The following ARFGEF3 variants were observed in gnomAD, a reference collection of about 807,000 sequenced individuals.
ARFGEF3 encodes the protein brefeldin A-inhibited guanine nucleotide-exchange protein 3.
Under a neutral mutation model 221.7 loss-of-function variants are expected in ARFGEF3, and 96 were observed. The observed-to-expected ratio is 0.43, with a 90% CI of 0.37 to 0.51. ARFGEF3 has a LOEUF of 0.51. ARFGEF3 is among the 20% of genes least tolerant of loss of function. The pLI is 0.00. For synonymous variants in ARFGEF3, 1,145 were observed against 1,126.8 expected, an observed-to-expected ratio of 1.02 and a Z score of -0.32; for missense variants, 2,410 against 2,789.9, an observed-to-expected ratio of 0.86 and a Z score of 3.07.
chr6:138,261,595 A>G lies in ARFGEF3; in HGVS notation c.1173A>G (p.Lys391=). Residue 391 remains lysine, a synonymous_variant, in exon 11 of 34, where the codon AAA becomes AAG. Coordinates refer to ENST00000251691, the MANE Select transcript of ARFGEF3 (RefSeq NM_020340.5). ...GPSSTESESR[K]RSISKRKSHL... Reference sequence around the variant, plus strand: ...GCTCCACTGAATCAGAGTCCAGAAAAAGATCAATTTCAAAAAGAAAGTCTC... The same window carrying G: ...GCTCCACTGAATCAGAGTCCAGAAAGAGATCAATTTCAAAAAGAAAGTCTC... 1 of 1,575,746 alleles carries G rather than the reference A, an allele frequency of 6.3e-7. No homozygotes were observed. Among genetic ancestry groups the G allele is most frequent in the Non-Finnish European group, 8.6e-7 (1 of 1,159,140 alleles).
At chr6:138,194,719 C>T (rs1486723370) in intron 2 of ARFGEF3, among the ~76,000 whole-genome samples, 2 of 152,068 alleles carry the variant, frequency 1.3e-5, no homozygotes, top group Admixed American at 1.3e-4. Context: ...GGAGAGGAAA[C>T]AATTCAGGAA....
At chr6:138,285,382 C>T (rs1015598477) in intron 14 of ARFGEF3, among the ~76,000 whole-genome samples, 2 of 149,052 alleles carry the variant, frequency 1.3e-5, no homozygotes, top group East Asian at 2.0e-4. Context: ...ACCCAGGAGG[C>T]GGAACTTGCA....
chr6:138,308,456 C>G (rs556993469), intron 23 of ARFGEF3, among the ~76,000 whole-genome samples: 1 of 152,336 alleles, frequency 6.6e-6, no homozygotes, highest in East Asian at 1.9e-4. Flanking sequence ...TGTGCAGGAG[C>G]ATTCCAGAGG....
chr6:138,248,594 A>G (rs1167446183), intron 8 of ARFGEF3, among the ~76,000 whole-genome samples: 1 of 152,104 alleles, frequency 6.6e-6, no homozygotes, highest in Admixed American at 6.5e-5. Flanking sequence ...CCAGTTAGTA[A>G]TTAAAACCTA....
chr6:138,226,215 A>G (rs1175490083), intron 4 of ARFGEF3, among the ~76,000 whole-genome samples: 1 of 152,194 alleles, frequency 6.6e-6, no homozygotes, highest in Non-Finnish European at 1.5e-5. Flanking sequence ...TGTGCTCATC[A>G]TCATTATCTG....
In ARFGEF3 at chr6:138,337,217, C is replaced by G. The variant is rs144218327; in HGVS notation, c.*731C>G. 6 of 152,714 alleles carry G rather than the reference C, an allele frequency of 3.9e-5. No homozygotes were observed. In the East Asian group the frequency reaches 1.2e-3, roughly 29 times the overall value. 9.5% of individuals were successfully genotyped at this position (152,714 alleles called of 1,614,324 possible). The stretch of plus-strand genomic sequence containing the variant: ...GCTTATCAGCCTGTGACACAGAGTA[C>G]CCAGTGAAAGTGGCTGGTACGTAGA... On this transcript the variant is annotated 3_prime_UTR_variant, in exon 34 of 34. Transcript: ENST00000251691.
intron 2 of ARFGEF3, 24 bp from the exon 3 acceptor site, chr6:138,207,018 T>C: frequency 6.3e-7 from 1 of 1,588,032 alleles, no homozygotes. Context: ...GCTCACATGT[T>C]GTCCTTATTT....
intron 2 of ARFGEF3, among the ~76,000 whole-genome samples, chr6:138,177,057 C>G (rs1410870517): frequency 6.8e-6 from 1 of 146,174 alleles, no homozygotes; most frequent in Non-Finnish European, 1.5e-5. Flanking sequence ...TTCACTTTTA[C>G]TTTATTTATT....
chr6:138,286,115 A>G (rs186726134), intron 15 of ARFGEF3, 62 bp downstream of exon 15: 8 of 998,222 alleles, frequency 8.0e-6, no homozygotes, highest in Admixed American at 1.8e-5. Flanking sequence ...CAGCAATTAC[A>G]TTGTTATGTG....
intron 32 of ARFGEF3, among the ~76,000 whole-genome samples, chr6:138,328,708 T>C (rs1277408352): frequency 6.9e-6 from 1 of 145,000 alleles, no homozygotes; most frequent in Non-Finnish European, 1.5e-5. Context: ...ACTTATAATC[T>C]TAAAAAAAAA....
intron 2 of ARFGEF3, among the ~76,000 whole-genome samples, chr6:138,187,184 G>C (rs1777206901): frequency 6.6e-6 from 1 of 152,048 alleles, no homozygotes; most frequent in South Asian, 2.1e-4. Flanking sequence ...CAAAATGCTG[G>C]GATTACAGGC....
chr6:138,177,062 TTTA>T (rs908090395), intron 2 of ARFGEF3, among the ~76,000 whole-genome samples: 6 of 113,714 alleles, frequency 5.3e-5, no homozygotes, highest in African/African-American at 2.4e-4. Context: ...TTTTACTTTA[TTTA>T]TTTATTTATT....
At chr6:138,221,727 G>T (rs993218863) in intron 4 of ARFGEF3, among the ~76,000 whole-genome samples, 1 of 152,112 alleles carries the variant, frequency 6.6e-6, no homozygotes, top group Non-Finnish European at 1.5e-5. Flanking sequence ...AGTGCTAAGG[G>T]CATATCTGAT....
chr6:138,317,246 T>C lies in ARFGEF3; in HGVS notation c.4346-5T>C, dbSNP rs114314615. 2.4e-3 allele frequency: 3,816 copies of C among 1,612,500 alleles called. 86 individuals carry two copies. The African/African-American group carries it at 0.046, about 20-fold the overall frequency. ...TTTCATACAGGTCTGCTTTTTGGTT[T>C]CCAGGTCTGATAGAAGTCTGGATAA... On this transcript the variant is annotated splice_region_variant and splice_polypyrimidine_tract_variant and intron_variant, in intron 26 of 33. Transcript: ENST00000251691.
Position 138,336,278 on chromosome 6 carries a change from T to TAAATCTTTTCTCTTAGGCATGGA in ARFGEF3, c.6343-16_6349dup. On this transcript the variant is annotated splice_polypyrimidine_tract_variant and intron_variant, in intron 33 of 33. Transcript: ENST00000251691. Reference sequence around the variant, plus strand: ...CAGGGGGGAAAGCCACTGATTTTCTTAAATCTTTTCTCTTAGGCATGGACC... The same window carrying TAAATCTTTTCTCTTAGGCATGGA: ...CAGGGGGGAAAGCCACTGATTTTCTTAAATCTTTTCTCTTAGGCATGGAAAATCTTTTCTCTTAGGCATGGACC... The TAAATCTTTTCTCTTAGGCATGGA allele has an allele frequency of 6.7e-7, 1 of 1,489,688 alleles. No individual in the cohort carries two copies. The highest frequency in any genetic ancestry group is 9.0e-7 in the Non-Finnish European group (1 of 1,112,348). 92.3% of individuals were successfully genotyped at this position (1,489,688 alleles called of 1,614,324 possible). A position where few individuals can be genotyped will look rare whatever the true frequency, so the allele number is the denominator to read the frequency against.
At chr6:138,256,059 A>G (rs1436231865) in intron 10 of ARFGEF3, among the ~76,000 whole-genome samples, 1 of 152,178 alleles carries the variant, frequency 6.6e-6, no homozygotes, top group African/African-American at 2.4e-5. Flanking sequence ...CTGAGATTTC[A>G]TTCTTCTACC....
rs1780426334 is a variant in ARFGEF3, at chr6:138,341,266, G to T, written c.*4780G>T. 1.3e-5 allele frequency: 2 copies of T among 154,798 alleles called. No individual in the cohort carries two copies. The highest frequency in any genetic ancestry group is 6.5e-5 in the Admixed American group (1 of 15,300). 9.6% of individuals were successfully genotyped at this position (154,798 alleles called of 1,614,324 possible). On this transcript the variant is annotated 3_prime_UTR_variant, in exon 34 of 34. Transcript: ENST00000251691. Reference sequence around the variant, plus strand: ...TTAGTAGCACAAAGTTTGGGAATATGCAAAATAATGGATAACCATTTTTCA... The same window carrying T: ...TTAGTAGCACAAAGTTTGGGAATATTCAAAATAATGGATAACCATTTTTCA...
chr6:138,298,849 T>G, intron 22 of ARFGEF3, 64 bp downstream of exon 22: 1 of 1,237,802 alleles, frequency 8.1e-7, no homozygotes, highest in Non-Finnish European at 1.1e-6. Context: ...CAGGCACGGT[T>G]CTATGAGCTT....
intron 10 of ARFGEF3, among the ~76,000 whole-genome samples, chr6:138,259,128 C>T (rs1385549066): frequency 6.6e-6 from 1 of 152,144 alleles, no homozygotes; most frequent in Non-Finnish European, 1.5e-5. Context: ...AAAAGTGGTG[C>T]CTCCACTTTA....
Sources: allele counts gnomAD v4.1 joint callset (sites outside exome capture counted in the v4.1 genomes callset), GRCh38; gene constraint gnomAD v4.1.1; transcripts MANE v1.5; gene names NCBI Gene and HGNC (gene_info 2026-07-23, HGNC 2026-07-21).